PDZD2: variants seen among roughly 807,000 people sequenced by gnomAD.
The protein encoded by PDZD2 is PDZ domain containing 2.
Under a neutral mutation model 220.7 loss-of-function variants are expected in PDZD2, and 90 were observed. That is an observed-to-expected ratio of 0.41 (90% CI 0.34 to 0.49). PDZD2 has a LOEUF of 0.49. Ranked by LOEUF, PDZD2 falls within the 20% of genes least tolerant of loss-of-function variation. The probability of loss-of-function intolerance (pLI) is 0.28; values close to 1 mark genes in which losing one functional copy is unlikely to be tolerated. For synonymous variants in PDZD2, 1,375 were observed against 1,450.5 expected, an observed-to-expected ratio of 0.95 and a Z score of 1.18; for missense variants, 3,174 against 3,608.5, an observed-to-expected ratio of 0.88 and a Z score of 3.08.
chr5:31,763,507 C>T (rs1453035273), intron 1 of PDZD2, among the ~76,000 whole-genome samples: 1 of 152,134 alleles, frequency 6.6e-6, no homozygotes, highest in Non-Finnish European at 1.5e-5. Flanking sequence ...GAAGGAACCA[C>T]TTTGGCAAAT....
intron 19 of PDZD2, among the ~76,000 whole-genome samples, chr5:32,081,795 C>T (rs998219490): frequency 3.1e-4 from 47 of 152,252 alleles, no homozygotes; most frequent in African/African-American, 9.9e-4. Flanking sequence ...GATCTTGGCT[C>T]ACTGTACGCT....
chr5:31,955,340 T>TC (rs1279463319), intron 2 of PDZD2, among the ~76,000 whole-genome samples: 9 of 151,974 alleles, frequency 5.9e-5, no homozygotes, highest in Middle Eastern at 6.8e-3. Context: ...TTGCTCTGTC[T>TC]CCCAGGCTGC....
chr5:32,037,172 C>A, intron 6 of PDZD2, 59 bp from the exon 7 acceptor site: 1 of 1,027,748 alleles, frequency 9.7e-7, no homozygotes. Flanking sequence ...TGGAGGGGGA[C>A]AGCATAAGTC....
chr5:32,017,557 C>T (rs909003188), intron 6 of PDZD2, among the ~76,000 whole-genome samples: 1 of 152,128 alleles, frequency 6.6e-6, no homozygotes, highest in African/African-American at 2.4e-5. Flanking sequence ...GGGAATTTCT[C>T]TCTGGGATAA....
At chr5:31,810,692 C>T (rs1392714696) in intron 2 of PDZD2, among the ~76,000 whole-genome samples, 2 of 152,224 alleles carry the variant, frequency 1.3e-5, no homozygotes, top group Non-Finnish European at 2.9e-5. Flanking sequence ...ATGAACTTCA[C>T]TCCCATTCCA....
intron 6 of PDZD2, among the ~76,000 whole-genome samples, chr5:32,012,172 G>C (rs917868647): frequency 6.6e-6 from 1 of 152,046 alleles, no homozygotes; most frequent in Non-Finnish European, 1.5e-5. Flanking sequence ...AGTCTAGAGG[G>C]CTCATCCCTA....
At chr5:31,655,815 C>T (rs1745527670) in intron 1 of PDZD2, among the ~76,000 whole-genome samples, 1 of 152,236 alleles carries the variant, frequency 6.6e-6, no homozygotes, top group Non-Finnish European at 1.5e-5. Context: ...CCACTGCCTT[C>T]CAGATCTGAA....
intron 7 of PDZD2, among the ~76,000 whole-genome samples, chr5:32,040,304 G>T (rs1330727098): frequency 7.8e-6 from 1 of 128,700 alleles, no homozygotes; most frequent in African/African-American, 3.0e-5. Flanking sequence ...CTGGGAAGTG[G>T]GGGGCGCCTC....
chr5:31,662,159 A>G (rs4867361), intron 1 of PDZD2, among the ~76,000 whole-genome samples: 79,520 of 151,874 alleles, frequency 0.52, 22,058 homozygotes, highest in Middle Eastern at 0.7. Flanking sequence ...AAAAATACAA[A>G]AATTAGCTGG....
At chr5:31,957,988 A>T (rs1282221056) in intron 2 of PDZD2, among the ~76,000 whole-genome samples, 1 of 152,228 alleles carries the variant, frequency 6.6e-6, no homozygotes, top group Non-Finnish European at 1.5e-5. Flanking sequence ...TCATAATTTT[A>T]AAAACAAACC....
intron 14 of PDZD2, among the ~76,000 whole-genome samples, chr5:32,067,941 T>C (rs1037997910): frequency 6.6e-6 from 1 of 152,194 alleles, no homozygotes; most frequent in Non-Finnish European, 1.5e-5. Context: ...GGTACAAATA[T>C]ATTGGAGAGC....
intron 6 of PDZD2, among the ~76,000 whole-genome samples, chr5:32,029,964 A>G (rs1417832822): frequency 6.6e-6 from 1 of 152,260 alleles, no homozygotes; most frequent in Non-Finnish European, 1.5e-5. Flanking sequence ...CTTAAAGCCA[A>G]TTGGCAGGAA....
At chr5:31,854,725 C>G (rs1250665850) in intron 2 of PDZD2, among the ~76,000 whole-genome samples, 1 of 152,000 alleles carries the variant, frequency 6.6e-6, no homozygotes, top group Non-Finnish European at 1.5e-5. Context: ...ACAAAGGTGT[C>G]TGGATGAGAA....
At chr5:32,096,344 C>T (rs1743693819) in intron 21 of PDZD2, among the ~76,000 whole-genome samples, 1 of 151,882 alleles carries the variant, frequency 6.6e-6, no homozygotes, top group Admixed American at 6.6e-5. Flanking sequence ...TGAGACAGAG[C>T]CTCACTCCAT....
Position 32,090,016 on chromosome 5 carries a change from C to G in PDZD2, c.6568C>G (p.Leu2190Val). Reference protein sequence around the residue: ...KAEYSQGKSSLMSDSRGVPRN... With the variant: ...KAEYSQGKSSVMSDSRGVPRN... ...AGAATACTCCCAGGGAAAATCAAGC[C>G]TGATGTCAGACTCCCGAGGGGTGCC... Residue 2190 changes from leucine (L) to valine (V), a missense_variant, in exon 20 of 25, where the codon CTG becomes GTG. Leu to Val is a conservative substitution (Grantham distance 32, BLOSUM62 1). Transcript: ENST00000438447. The surrounding 1 kb of genome is among the most constrained non-coding windows in gnomAD (Gnocchi z 4.3). The G allele has an allele frequency of 1.2e-6, 2 of 1,607,182 alleles. No homozygotes were observed. Among genetic ancestry groups the G allele is most frequent in the Non-Finnish European group, 1.7e-6 (2 of 1,176,822 alleles).
intron 2 of PDZD2, among the ~76,000 whole-genome samples, chr5:31,928,571 G>A (rs1744994790): frequency 6.6e-6 from 1 of 152,078 alleles, no homozygotes; most frequent in Non-Finnish European, 1.5e-5. Flanking sequence ...CGCCTCCCAG[G>A]TTCAAGGGGT....
At position 31,925,497 on chromosome 5, in the gene PDZD2, A is replaced by G. The variant is rs545484849; in HGVS notation, c.477-57658A>G. Among the ~76,000 whole-genome samples, 8 of 152,326 alleles carry G rather than the reference A, an allele frequency of 5.3e-5. No individual in the cohort carries two copies. In the South Asian group the frequency reaches 1.7e-3, roughly 32 times the overall value. The stretch of plus-strand genomic sequence containing the variant: ...TAAAGATTTAAATGTAAGACCTCAA[A>G]CAGTAAGAATCCTAGAAGAAAACCT... On this transcript the variant is annotated intron_variant, in intron 2 of 24. Transcript: ENST00000438447.
chr5:32,086,880 G>A lies in PDZD2; in HGVS notation c.3683-251G>A, dbSNP rs2112459535. On this transcript the variant is annotated intron_variant, in intron 19 of 24. Transcript: ENST00000438447. ...TTTTTTTTTTTTTTAGTAGAGATGG[G>A]GTTTCACCATGTTGGCCAGGCTGGT... 2.8e-5 allele frequency among the ~76,000 whole-genome samples: 4 copies of A among 141,344 alleles called. No homozygotes were observed. The East Asian group carries it at 8.6e-4, about 30-fold the overall frequency. The allele number at this position is 141,344 out of a possible 152,430, so 92.7% of individuals were successfully genotyped here.
chr5:31,674,329 T>C (rs568585282), intron 1 of PDZD2, among the ~76,000 whole-genome samples: 31 of 152,350 alleles, frequency 2.0e-4, no homozygotes, highest in African/African-American at 7.5e-4. Context: ...TTACTCACTT[T>C]AAAGAACAGA....
Sources: gnomAD v4.1 joint callset for allele counts (sites outside exome capture counted in the v4.1 genomes callset) on GRCh38, gnomAD v4.1.1 for gene constraint, Gnocchi (gnomAD v3.1) non-coding constraint, MANE v1.5 for transcripts, NCBI Gene and HGNC (gene_info 2026-07-23, HGNC 2026-07-21) for gene names.